Variants in PTPN21 observed in about 807,000 individuals in gnomAD.
PTPN21 encodes the protein tyrosine-protein phosphatase non-receptor type 21.
In PTPN21, 77 loss-of-function variants were observed where a neutral mutation model predicts 131.8. The ratio of observed to expected loss-of-function variants is 0.58; its 90% CI spans 0.49 to 0.71. The LOEUF (loss-of-function observed/expected upper bound fraction) is 0.71, where lower values mean the gene tolerates loss of function less well. Ranked by LOEUF, PTPN21 falls within the 30% of genes least tolerant of loss-of-function variation. PTPN21 has a pLI of 0.00. For missense variants in PTPN21, 1,552 were observed against 1,527.1 expected (o/e 1.02, Z -0.27); for synonymous variants, 715 against 621.3 (o/e 1.15, Z -2.24).
chr14:88,508,993 TTTAAATTCTA>T (rs1404123779), intron 3 of PTPN21, among the ~76,000 whole-genome samples: 3 of 152,162 alleles, frequency 2.0e-5, no homozygotes, highest in Non-Finnish European at 4.4e-5. Context: ...ATCTGGTGAA[TTTAAATTCTA>T]TCACCAGTAA....
At chr14:88,544,836 C>CT (rs552790466) in intron 2 of PTPN21, among the ~76,000 whole-genome samples, 73 of 151,146 alleles carry the variant, frequency 4.8e-4, no homozygotes, top group Non-Finnish European at 8.3e-4. Flanking sequence ...CTTTTCTTTT[C>CT]TTTTTTTTTG....
chr14:88,518,295 C>T (rs2078318941), intron 2 of PTPN21, among the ~76,000 whole-genome samples: 1 of 100,360 alleles, frequency 1.0e-5, no homozygotes, highest in Non-Finnish European at 1.9e-5. Flanking sequence ...TACGCACACA[C>T]ACACACATAT....
At chr14:88,504,738 T>C (rs974430585) in intron 5 of PTPN21, among the ~76,000 whole-genome samples, 3 of 151,954 alleles carry the variant, frequency 2.0e-5, no homozygotes, top group Admixed American at 6.6e-5. Flanking sequence ...AGCTGAGTTA[T>C]GTCAAGTTGG....
intron 1 of PTPN21, chr14:88,551,682 C>A (rs1363481470): frequency 6.6e-6 from 1 of 152,280 alleles, no homozygotes; most frequent in Non-Finnish European, 1.5e-5. Flanking sequence ...ACGCTCCTTA[C>A]AACGTGTTTT....
At chr14:88,501,408 T>C in intron 6 of PTPN21, 40 bp from the exon 7 acceptor site, 1 of 1,489,842 alleles carries the variant, frequency 6.7e-7, no homozygotes, top group Non-Finnish European at 9.4e-7. Flanking sequence ...CAAAGCAAGC[T>C]TAAAATGGTT....
At chr14:88,523,041 G>A (rs184714194) in intron 2 of PTPN21, among the ~76,000 whole-genome samples, 1 of 150,702 alleles carries the variant, frequency 6.6e-6, no homozygotes, top group East Asian at 2.0e-4. Context: ...AAACAAACAA[G>A]GTGGGGAGTG....
intron 13 of PTPN21, among the ~76,000 whole-genome samples, chr14:88,474,463 G>A (rs537478657): frequency 2.0e-5 from 3 of 152,162 alleles, no homozygotes; most frequent in East Asian, 3.9e-4. Flanking sequence ...GATTACAGGC[G>A]TGTGCCACCA....
chr14:88,518,028 C>T (rs2078307758), intron 2 of PTPN21, among the ~76,000 whole-genome samples: 1 of 146,554 alleles, frequency 6.8e-6, no homozygotes, highest in Non-Finnish European at 1.5e-5. Flanking sequence ...CACTACATTC[C>T]AGTGTCTAGG....
Position 88,468,039 on chromosome 14 carries a change from T to C in PTPN21, c.*98A>G. On this transcript the variant is annotated 3_prime_UTR_variant, in exon 19 of 19. Coordinates refer to ENST00000556564, the MANE Select transcript of PTPN21 (RefSeq NM_007039.4). ...ACTTACGTCCCAGTGCCACGCTGCG[T>C]GGATCAAGTGTCAACGGGAAAGTAT... 1 of 1,447,850 alleles carries C rather than the reference T, an allele frequency of 6.9e-7. No homozygotes were observed. The highest frequency in any genetic ancestry group is 9.6e-7 in the Non-Finnish European group (1 of 1,040,488). 89.7% of individuals were successfully genotyped at this position (1,447,850 alleles called of 1,614,324 possible). A position where few individuals can be genotyped will look rare whatever the true frequency, so the allele number is the denominator to read the frequency against.
rs760958959 is a variant in PTPN21, at chr14:88,468,999, A to G, written c.3313T>C (p.Leu1105=). Residue 1105 remains leucine, a synonymous_variant, in exon 18 of 19, where the codon TTG becomes CTG. Transcript: ENST00000556564. ...CCTACCCCAGCACTGCAGTGGACCA[A>G]CAACGGAGGGTTGGGGCTTTGGGGA... ...SDPQSPNPPL[L]VHCSAGVGRT... 42 of 1,614,146 alleles carry G rather than the reference A, an allele frequency of 2.6e-5. No individual in the cohort carries two copies. In the South Asian group the frequency reaches 4.1e-4, roughly 16 times the overall value.
intron 2 of PTPN21, among the ~76,000 whole-genome samples, chr14:88,537,865 C>T (rs2078652310): frequency 6.6e-6 from 1 of 152,174 alleles, no homozygotes; most frequent in African/African-American, 2.4e-5. Context: ...AGGCTACAAA[C>T]CTGTACAGCA....
intron 10 of PTPN21, among the ~76,000 whole-genome samples, chr14:88,494,913 T>A (rs563911646): frequency 5.6e-5 from 8 of 143,988 alleles, no homozygotes; most frequent in Admixed American, 1.5e-4. Flanking sequence ...CTCAAGAGGC[T>A]GAGGCAGGAG....
chr14:88,534,105 C>T (rs915174447), intron 2 of PTPN21, among the ~76,000 whole-genome samples: 3 of 152,034 alleles, frequency 2.0e-5, no homozygotes, highest in Admixed American at 6.6e-5. Context: ...GGCACGGTGG[C>T]TCACACGTGT....
chr14:88,466,505 T>A lies in PTPN21; in HGVS notation c.*1632A>T, dbSNP rs561224394. 1 of 152,266 alleles carries A rather than the reference T, an allele frequency of 6.6e-6. No individual in the cohort carries two copies. Among genetic ancestry groups the A allele is most frequent in the South Asian group, 2.1e-4 (1 of 4,826 alleles). 9.4% of individuals were successfully genotyped at this position (152,266 alleles called of 1,614,324 possible). A position where few individuals can be genotyped will look rare whatever the true frequency, so the allele number is the denominator to read the frequency against. ...ATGGGAATCAAAATGATGCCTAGAA[T>A]AGTGTAATTTGGGAAACAGCCCTAG... is the stretch of plus-strand genomic sequence containing the variant. On this transcript the variant is annotated 3_prime_UTR_variant, in exon 19 of 19. Coordinates refer to ENST00000556564, the MANE Select transcript of PTPN21 (RefSeq NM_007039.4).
chr14:88,496,486 T>A lies in PTPN21; in HGVS notation c.859A>T (p.Met287Leu), dbSNP rs147950626. The change falls in exon 10 of 19, where the codon ATG becomes TTG. Residue 287 changes from methionine to leucine, a missense_variant. Met to Leu is a conservative substitution (Grantham distance 15). Coordinates refer to ENST00000556564, the MANE Select transcript of PTPN21 (RefSeq NM_007039.4). ...CTCCAAATGTATTTTGCTGTTTCCA[T>A]GTCTTCCTAGCAAACAAAATAGGCA... is the stretch of plus-strand genomic sequence containing the variant. ...EETIQFQTEDMETAKYIWRLC... is the reference protein window; with the variant it reads ...EETIQFQTEDLETAKYIWRLC... 1 of 1,613,460 alleles carries A rather than the reference T, an allele frequency of 6.2e-7. No homozygotes were observed. Among genetic ancestry groups the A allele is most frequent in the African/African-American group, 1.3e-5 (1 of 74,938 alleles).
intron 10 of PTPN21, among the ~76,000 whole-genome samples, chr14:88,495,449 T>C (rs555614536): frequency 6.4e-4 from 97 of 152,154 alleles, no homozygotes; most frequent in African/African-American, 2.2e-3. Flanking sequence ...TCACCTGAGG[T>C]TGGAAGTTCA....
At chr14:88,499,577 A>T (rs908823230) in intron 8 of PTPN21, among the ~76,000 whole-genome samples, 9 of 152,210 alleles carry the variant, frequency 5.9e-5, no homozygotes, top group African/African-American at 2.2e-4. Flanking sequence ...AACTTTTCTA[A>T]GCCTCAATTA....
chr14:88,502,382 T>C (rs2078023160), intron 6 of PTPN21, among the ~76,000 whole-genome samples: 1 of 152,300 alleles, frequency 6.6e-6, no homozygotes, highest in Admixed American at 6.5e-5. Flanking sequence ...TCATTTCCTC[T>C]GGATCACCTT....
intron 13 of PTPN21, among the ~76,000 whole-genome samples, chr14:88,477,021 A>T (rs1465207218): frequency 6.6e-6 from 1 of 152,116 alleles, no homozygotes; most frequent in Non-Finnish European, 1.5e-5. Context: ...AGTCACACAT[A>T]AAAACAGACC....
Sources: allele counts gnomAD v4.1 joint callset (sites outside exome capture counted in the v4.1 genomes callset), GRCh38; gene constraint gnomAD v4.1.1; transcripts MANE v1.5; gene names NCBI Gene and HGNC (gene_info 2026-07-23, HGNC 2026-07-21).